KLHDC7B: variants seen among roughly 807,000 people sequenced by gnomAD.
The protein encoded by KLHDC7B is kelch domain containing 7B.
A neutral mutation model predicts 0.6 loss-of-function variants in KLHDC7B; 1 was observed. That is an observed-to-expected ratio of 1.71 (90% CI 0.61 to 8.11). KLHDC7B has a LOEUF of 8.11. Among genes scored for constraint, KLHDC7B ranks in the 30% most tolerant of loss-of-function variants. KLHDC7B has a pLI of 0.13. For missense variants in KLHDC7B, 993 were observed against 894.9 expected, an observed-to-expected ratio of 1.11 and a Z score of -1.40; for synonymous variants, 462 against 405.2, an observed-to-expected ratio of 1.14 and a Z score of -1.68.
rs772969978 is a variant in KLHDC7B, at chr22:50,549,753, C to T, written c.3510C>T (p.Pro1170=). Residue 1170 remains proline, a synonymous_variant, in exon 1 of 1, where the codon CCC becomes CCT. Coordinates refer to ENST00000648057, the MANE Select transcript of KLHDC7B (RefSeq NM_138433.5). ...SRAASLPLPA[P]APLHCTTLGN... The stretch of plus-strand genomic sequence containing the variant: ...CTGCCTCCCTGCCCCTGCCCGCCCC[C>T]GCCCCACTGCACTGCACCACCCTGG... 4.4e-5 allele frequency: 69 copies of T among 1,578,398 alleles called. No homozygotes were observed. Among genetic ancestry groups the T allele is most frequent in the Non-Finnish European group, 5.3e-5 (62 of 1,167,712 alleles).
In KLHDC7B at chr22:50,549,284, A is replaced by G; in HGVS notation, c.3041A>G (p.Asn1014Ser). ...RGSGAKAVCS[N>S]EVFCYNPLTN... ...TCCGGTGCCAAGGCCGTCTGCTCCA[A>G]CGAGGTCTTCTGCTACAACCCTCTG... The change falls in exon 1 of 1, where the codon AAC becomes AGC. Residue 1014 changes from asparagine to serine, a missense_variant. Transcript: ENST00000648057. 1.2e-6 allele frequency: 2 copies of G among 1,612,236 alleles called. No individual in the cohort carries two copies. The highest frequency in any genetic ancestry group is 1.3e-5 in the African/African-American group (1 of 75,040).
rs531079750 is a variant in KLHDC7B, at chr22:50,548,370, C to T, written c.2127C>T (p.Ser709=). Residue 709 remains serine (S), a synonymous_variant, in exon 1 of 1, where the codon TCC becomes TCT. Transcript: ENST00000648057. This position sits in a 1 kb window ranked among gnomAD's most constrained non-coding sequence, Gnocchi z 5.3. ...GAGGTCAGCCACAGCCAAGAAGCTC[C>T]GAGACCAACGGATCGCCCAGCCCAG... ...EAGGQPQPRS[S]ETNGSPSPDP... The T allele has an allele frequency of 8.3e-5, 129 of 1,551,682 alleles. No individual in the cohort carries two copies. Among genetic ancestry groups the T allele is most frequent in the Non-Finnish European group, 4.2e-5 (48 of 1,147,352 alleles).
rs776351172 is a variant in KLHDC7B, at chr22:50,549,200, G to A, written c.2957G>A (p.Arg986Gln). The change falls in exon 1 of 1, where the codon CGG becomes CAG. Residue 986 changes from arginine to glutamine, a missense_variant. Coordinates refer to ENST00000648057, the MANE Select transcript of KLHDC7B (RefSeq NM_138433.5). ...CAGGTGCCCGAGGAGGCCCCGCTTCGGGGCTGCGGTCTCTGCACCATGCAC... is the reference window on the plus strand; with the variant it reads ...CAGGTGCCCGAGGAGGCCCCGCTTCAGGGCTGCGGTCTCTGCACCATGCAC... ...LTQVPEEAPLRGCGLCTMHNY... is the reference protein window; with the variant it reads ...LTQVPEEAPLQGCGLCTMHNY... The A allele has an allele frequency of 1.9e-6, 3 of 1,606,716 alleles. No individual in the cohort carries two copies. The highest frequency in any genetic ancestry group is 3.3e-5 in the Admixed American group (2 of 60,020).
chr22:50,549,711 C>G lies in KLHDC7B; in HGVS notation c.3468C>G (p.Thr1156=), dbSNP rs780031451. The change falls in exon 1 of 1, where the codon ACC becomes ACG. Residue 1156 remains threonine (T), a synonymous_variant. Transcript: ENST00000648057. ...GAAVMRYNTV[T]GSWSRAASLP... is the part of the protein sequence containing the mutation. ...CCGTGATGCGCTACAACACAGTGAC[C>G]GGCTCCTGGAGCAGGGCTGCCTCCC... 8 of 1,581,204 alleles carry G rather than the reference C, an allele frequency of 5.1e-6. No homozygotes were observed. In the East Asian group the frequency reaches 1.1e-4, roughly 22 times the overall value.
Position 50,546,787 on chromosome 22 carries a change from C to T in KLHDC7B, c.544C>T (p.Arg182Trp), listed in dbSNP as rs979575818. ...CCCCCTCCTGATCCACTTCACTCCT[C>T]GGAGCCCTGGCAGCGAAGCGGAGGC... is the stretch of plus-strand genomic sequence containing the variant. The part of the protein sequence containing the change: ...SAPLLIHFTP[R>W]SPGSEAEAET... Residue 182 changes from arginine to tryptophan, a missense_variant, in exon 1 of 1, where the codon CGG becomes TGG. By Grantham distance (101) the Arg-to-Trp change is moderately radical. Transcript: ENST00000648057. Among the ~76,000 whole-genome samples, 1 of 152,126 alleles carries T rather than the reference C, an allele frequency of 6.6e-6. No homozygotes were observed. The highest frequency in any genetic ancestry group is 2.4e-5 in the African/African-American group (1 of 41,452).
chr22:50,546,342 G>A lies in KLHDC7B; in HGVS notation c.99G>A (p.Leu33=). ...GTGCTGTGCTGGCCCTCCTGGCGCT[G>A]GCTGTGGTGGCTGCCACAGCGCTGG... ...WDSAVLALLA[L]AVVAATALAL... The change falls in exon 1 of 1, where the codon CTG becomes CTA. Residue 33 remains leucine, a synonymous_variant. Coordinates refer to ENST00000648057, the MANE Select transcript of KLHDC7B (RefSeq NM_138433.5). The A allele has an allele frequency of 2.5e-6, 1 of 399,328 alleles. No individual in the cohort carries two copies. The highest frequency in any genetic ancestry group is 4.4e-6 in the Non-Finnish European group (1 of 226,304). 24.7% of individuals were successfully genotyped at this position (399,328 alleles called of 1,614,324 possible). A position where few individuals can be genotyped will look rare whatever the true frequency, so the allele number is the denominator to read the frequency against.
chr22:50,548,192 C>T lies in KLHDC7B; in HGVS notation c.1949C>T (p.Pro650Leu). 1.3e-6 allele frequency: 2 copies of T among 1,528,546 alleles called. No homozygotes were observed. Among genetic ancestry groups the T allele is most frequent in the Non-Finnish European group, 1.8e-6 (2 of 1,132,642 alleles). The allele number at this position is 1,528,546 out of a possible 1,614,324, so 94.7% of individuals were successfully genotyped here. The change falls in exon 1 of 1, where the codon CCC (proline) becomes CTC (leucine). Residue 650 changes from proline to leucine, a missense_variant. By Grantham distance (98) the Pro-to-Leu change is moderately conservative. Coordinates refer to ENST00000648057, the MANE Select transcript of KLHDC7B (RefSeq NM_138433.5). The surrounding 1 kb of genome is among the most constrained non-coding windows in gnomAD (Gnocchi z 5.3). ...ATGGTTCTTAGAAGCCACCCCTTCC[C>T]CAGGCAAGACAGGCCCCAAGGGAGT... ...IAMVLRSHPF[P>L]RQDRPQGSVP...
At position 50,546,193 on chromosome 22, in the gene KLHDC7B, C is replaced by A. The variant is rs948064449; in HGVS notation, c.-51C>A. On this transcript the variant is annotated 5_prime_UTR_variant, in exon 1 of 1. Coordinates refer to ENST00000648057, the MANE Select transcript of KLHDC7B (RefSeq NM_138433.5). ...CGGTGCCTCAGCCCAGGCCTCTGTG[C>A]TCTGCATGCACTGCCAGCCTGCCAT... Among the ~76,000 whole-genome samples the A allele has an allele frequency of 6.6e-6, 1 of 152,228 alleles. No homozygotes were observed. Among genetic ancestry groups the A allele is most frequent in the Non-Finnish European group, 1.5e-5 (1 of 68,026 alleles).
chr22:50,548,724 G>A lies in KLHDC7B; in HGVS notation c.2481G>A (p.Leu827=), dbSNP rs2069764245. 6.7e-7 allele frequency: 1 copy of A among 1,493,148 alleles called. No individual in the cohort carries two copies. The highest frequency in any genetic ancestry group is 1.3e-5 in the South Asian group (1 of 75,248). The allele number at this position is 1,493,148 out of a possible 1,614,324, so 92.5% of individuals were successfully genotyped here. ...AGGCCCGGAAGCTCATGGTGTTTCT[G>A]CAGAGGCCCGGGGGTTGGGGGGTGG... is the stretch of plus-strand genomic sequence containing the variant. ...QEEARKLMVF[L]QRPGGWGVVE... Residue 827 remains leucine (L), a synonymous_variant, in exon 1 of 1, where the codon CTG becomes CTA. Transcript: ENST00000648057. This position sits in a 1 kb window ranked among gnomAD's most constrained non-coding sequence, Gnocchi z 5.3.
At position 50,549,216 on chromosome 22, in the gene KLHDC7B, C is replaced by G; in HGVS notation, c.2973C>G (p.Cys991Trp). ...CCCCGCTTCGGGGCTGCGGTCTCTG[C>G]ACCATGCACAACTACCTGTTTCTGG... ...EEAPLRGCGL[C>W]TMHNYLFLAG... is the part of the protein sequence containing the mutation. Residue 991 changes from cysteine to tryptophan, a missense_variant, in exon 1 of 1, where the codon TGC becomes TGG. By Grantham distance (215) the Cys-to-Trp change is radical. Coordinates refer to ENST00000648057, the MANE Select transcript of KLHDC7B (RefSeq NM_138433.5). 6.2e-7 allele frequency: 1 copy of G among 1,608,054 alleles called. No homozygotes were observed. Among genetic ancestry groups the G allele is most frequent in the East Asian group, 2.2e-5 (1 of 44,870 alleles).
chr22:50,548,149 TG>T lies in KLHDC7B; in HGVS notation c.-14del. On this transcript the variant is annotated 5_prime_UTR_variant, in exon 1 of 1. Coordinates refer to the KLHDC7B transcript ENST00000395676. This position sits in a 1 kb window ranked among gnomAD's most constrained non-coding sequence, Gnocchi z 5.3. ...CCAGGAGGGGCAGGTCTCAGCCAGCTGGGGAAACCTTATTGCCATGGTTCTT... is the reference window on the plus strand; with the variant it reads ...CCAGGAGGGGCAGGTCTCAGCCAGCTGGGAAACCTTATTGCCATGGTTCTT... 2 of 1,483,038 alleles carry T rather than the reference TG, an allele frequency of 1.3e-6. No homozygotes were observed. Among genetic ancestry groups the T allele is most frequent in the Non-Finnish European group, 9.0e-7 (1 of 1,111,664 alleles). The allele number at this position is 1,483,038 out of a possible 1,614,324, so 91.9% of individuals were successfully genotyped here. A position where few individuals can be genotyped will look rare whatever the true frequency, so the allele number is the denominator to read the frequency against.
In KLHDC7B at chr22:50,549,918, GC is replaced by G; in HGVS notation, c.1757del (p.Pro586LeufsTer83). ...TCCTCAGTCCATTCATCCTGACTCT[GC>G]CCCCTGAGGACCGGCTGCAGACCTC... On this transcript the variant is annotated frameshift_variant, in exon 1 of 1. Transcript: ENST00000395676. LOFTEE classifies it high-confidence loss of function. The G allele has an allele frequency of 6.3e-7, 1 of 1,584,080 alleles. No individual in the cohort carries two copies. The highest frequency in any genetic ancestry group is 1.7e-5 in the Admixed American group (1 of 57,858).
In KLHDC7B at chr22:50,549,300, C is replaced by G. The variant is rs768538997; in HGVS notation, c.1134C>G (p.Tyr378Ter). The G allele has an allele frequency of 1.9e-6, 3 of 1,612,506 alleles. No homozygotes were observed. The highest frequency in any genetic ancestry group is 2.5e-6 in the Non-Finnish European group (3 of 1,179,998). The change falls in exon 1 of 1, where the codon TAC (tyrosine) becomes TAG (stop). Residue 378 changes from tyrosine to a stop codon, truncating the protein, a stop_gained. Coordinates refer to the KLHDC7B transcript ENST00000395676. LOFTEE classifies it low-confidence loss of function (END_TRUNC). ...TCTGCTCCAACGAGGTCTTCTGCTA[C>G]AACCCTCTGACCAACATCTGGAGCC...
rs1320762960 is a variant in KLHDC7B at position 50,549,655 on chromosome 22, C to A, written c.3412C>A (p.Arg1138Ser). The change falls in exon 1 of 1, where the codon CGC becomes AGC. Residue 1138 changes from arginine (R) to serine (S), a missense_variant. Arg to Ser is a moderately radical substitution (Grantham distance 110). Transcript: ENST00000648057. The part of the protein sequence containing the change: ...DIVALGGFLY[R>S]FDLLRGVGAA... ...CGTGGCACTGGGGGGCTTCCTGTACCGCTTCGACCTGCTGCGGGGCGTGGG... is the reference window on the plus strand; with the variant it reads ...CGTGGCACTGGGGGGCTTCCTGTACAGCTTCGACCTGCTGCGGGGCGTGGG... 1.3e-6 allele frequency: 2 copies of A among 1,556,330 alleles called. No homozygotes were observed. The highest frequency in any genetic ancestry group is 1.7e-4 in the Middle Eastern group (1 of 5,786).
Position 50,550,716 on chromosome 22 carries a change from G to C in KLHDC7B, c.*765G>C, listed in dbSNP as rs562680177. 5.9e-6 allele frequency: 1 copy of C among 168,772 alleles called. No individual in the cohort carries two copies. The highest frequency in any genetic ancestry group is 6.4e-5 in the Admixed American group (1 of 15,726). The allele number at this position is 168,772 out of a possible 1,614,324, so 10.5% of individuals were successfully genotyped here. On this transcript the variant is annotated 3_prime_UTR_variant, in exon 1 of 1. Transcript: ENST00000648057. ...GCCCCTTTTTAGCTGTGTAGACTTG[G>C]ACGAGACATTTGACTTCCCTTTCTC...
rs1405782835 is a variant in KLHDC7B, at chr22:50,547,089, C to T, written c.846C>T (p.Leu282=). The change falls in exon 1 of 1, where the codon CTC becomes CTT. Residue 282 remains leucine, a synonymous_variant. Transcript: ENST00000648057. ...GCGGCCTCCCCACAGGACCCCCACTCGCCCAGGAGCCCGCACTCCCGGCGC... is the reference window on the plus strand; with the variant it reads ...GCGGCCTCCCCACAGGACCCCCACTTGCCCAGGAGCCCGCACTCCCGGCGC... ...HARGLPTGPP[L]AQEPALPALP... Among the ~76,000 whole-genome samples the T allele has an allele frequency of 1.3e-5, 2 of 151,720 alleles. No individual in the cohort carries two copies. The highest frequency in any genetic ancestry group is 4.8e-5 in the African/African-American group (2 of 41,346).
In KLHDC7B at chr22:50,548,186, C is replaced by A; in HGVS notation, c.1943C>A (p.Pro648His). ...NLIAMVLRSHPFPRQDRPQGS... is the reference protein window; with the variant it reads ...NLIAMVLRSHHFPRQDRPQGS... ...ATTGCCATGGTTCTTAGAAGCCACC[C>A]CTTCCCCAGGCAAGACAGGCCCCAA... Residue 648 changes from proline (P) to histidine (H), a missense_variant, in exon 1 of 1, where the codon CCC becomes CAC. Coordinates refer to ENST00000648057, the MANE Select transcript of KLHDC7B (RefSeq NM_138433.5). This position sits in a 1 kb window ranked among gnomAD's most constrained non-coding sequence, Gnocchi z 5.3. The A allele has an allele frequency of 6.6e-7, 1 of 1,525,540 alleles. No homozygotes were observed. Among genetic ancestry groups the A allele is most frequent in the Non-Finnish European group, 8.8e-7 (1 of 1,131,308 alleles). The allele number at this position is 1,525,540 out of a possible 1,614,324, so 94.5% of individuals were successfully genotyped here.
Position 50,549,202 on chromosome 22 carries a change from G to A in KLHDC7B, c.2959G>A (p.Gly987Ser). The A allele has an allele frequency of 6.2e-7, 1 of 1,606,880 alleles. No homozygotes were observed. The highest frequency in any genetic ancestry group is 8.5e-7 in the Non-Finnish European group (1 of 1,179,820). ...TQVPEEAPLR[G>S]CGLCTMHNYL... Reference sequence around the variant, plus strand: ...GGTGCCCGAGGAGGCCCCGCTTCGGGGCTGCGGTCTCTGCACCATGCACAA... The same window carrying A: ...GGTGCCCGAGGAGGCCCCGCTTCGGAGCTGCGGTCTCTGCACCATGCACAA... Residue 987 changes from glycine to serine, a missense_variant, in exon 1 of 1, where the codon GGC (glycine) becomes AGC (serine). Transcript: ENST00000648057.
rs1002843338 is a variant in KLHDC7B at position 50,548,356 on chromosome 22, C to T, written c.190C>T (p.Gln64Ter). 2 of 1,551,128 alleles carry T rather than the reference C, an allele frequency of 1.3e-6. No homozygotes were observed. The highest frequency in any genetic ancestry group is 2.4e-5 in the East Asian group (1 of 40,954). ...CCTGGTTGAGGCTGGAGGTCAGCCA[C>T]AGCCAAGAAGCTCCGAGACCAACGG... The change falls in exon 1 of 1, where the codon CAG (glutamine) becomes TAG (stop). Residue 64 changes from glutamine to a stop codon, truncating the protein, a stop_gained. Coordinates refer to the KLHDC7B transcript ENST00000395676. LOFTEE classifies it low-confidence loss of function (END_TRUNC). This position sits in a 1 kb window ranked among gnomAD's most constrained non-coding sequence, Gnocchi z 5.3.
Sources: gnomAD v4.1 joint callset for allele counts (sites outside exome capture counted in the v4.1 genomes callset) on GRCh38, gnomAD v4.1.1 for gene constraint, Gnocchi (gnomAD v3.1) non-coding constraint, MANE v1.5 for transcripts, NCBI Gene and HGNC (gene_info 2026-07-23, HGNC 2026-07-21) for gene names.